ROBO2: variants seen among roughly 807,000 people sequenced by gnomAD.
ROBO2 encodes roundabout guidance receptor 2, also known as roundabout homolog 2.
ROBO2 carries 53 observed loss-of-function variants against 160.8 expected under a neutral mutation model. That is an observed-to-expected ratio of 0.33 (90% CI 0.26 to 0.41). The LOEUF (loss-of-function observed/expected upper bound fraction) is 0.41, where lower values mean the gene tolerates loss of function less well. Ranked by LOEUF, ROBO2 falls within the 10% of genes least tolerant of loss-of-function variation. ROBO2 has a pLI of 1.00. For missense variants in ROBO2, 1,577 were observed against 1,722.4 expected (o/e 0.92, Z 1.49); for synonymous variants, 664 against 611.7 (o/e 1.09, Z -1.26).
At chr3:76,892,026 T>TCTTTGACACCAATTTCGACCTGTCA (rs1471003466) in intron 2 of ROBO2, among the ~76,000 whole-genome samples, 24 of 150,432 alleles carry the variant, frequency 1.6e-4, no homozygotes, top group African/African-American at 6.0e-4. Flanking sequence ...GGAGTTAAAC[T>TCTTTGACACCAATTTCGACCTGTCA]TCTCGTGGGA....
chr3:75,949,714 A>G (rs1473119714), intron 2 of ROBO2, among the ~76,000 whole-genome samples: 2 of 152,070 alleles, frequency 1.3e-5, no homozygotes, highest in East Asian at 3.9e-4. Flanking sequence ...CTGTATGAGC[A>G]CTCACTCACT....
At chr3:77,284,257 A>G (rs1477811557) in intron 2 of ROBO2, among the ~76,000 whole-genome samples, 4 of 152,152 alleles carry the variant, frequency 2.6e-5, no homozygotes, top group African/African-American at 4.8e-5. Flanking sequence ...TTGCCTCTTC[A>G]CAGGAGAAAT....
intron 2 of ROBO2, among the ~76,000 whole-genome samples, chr3:76,168,767 GATAA>G (rs1397368551): frequency 6.6e-6 from 1 of 151,050 alleles, no homozygotes; most frequent in Non-Finnish European, 1.5e-5. Context: ...ATATAATTAT[GATAA>G]ATAAAATATA....
chr3:76,913,749 G>A (rs1033492971), intron 2 of ROBO2, among the ~76,000 whole-genome samples: 11 of 152,284 alleles, frequency 7.2e-5, no homozygotes, highest in Middle Eastern at 3.4e-3. Context: ...TACTCCTTTA[G>A]ATGAGTAACT....
At chr3:77,358,265 T>A (rs930892931) in intron 2 of ROBO2, among the ~76,000 whole-genome samples, 4 of 152,182 alleles carry the variant, frequency 2.6e-5, no homozygotes, top group African/African-American at 9.6e-5. Flanking sequence ...TGTCAATCCT[T>A]GTCCCTCAAC....
At chr3:77,000,559 T>C (rs1254473506) in intron 2 of ROBO2, among the ~76,000 whole-genome samples, 1 of 147,946 alleles carries the variant, frequency 6.8e-6, no homozygotes, top group African/African-American at 2.5e-5. Flanking sequence ...AACTTATTTA[T>C]AGGTAGCTGG....
chr3:77,612,964 A>T (rs184011079), intron 21 of ROBO2, among the ~76,000 whole-genome samples: 189 of 152,292 alleles, frequency 1.2e-3, no homozygotes, highest in Non-Finnish European at 1.9e-3. Flanking sequence ...AAAAAAAAGA[A>T]AAAAAATAGA....
At chr3:77,059,098 T>C (rs1259554589) in intron 1 of ROBO2, among the ~76,000 whole-genome samples, 1 of 152,166 alleles carries the variant, frequency 6.6e-6, no homozygotes, top group African/African-American at 2.4e-5. Flanking sequence ...ATAAGCAGAT[T>C]ATAAAATCTA....
intron 2 of ROBO2, among the ~76,000 whole-genome samples, chr3:76,527,988 G>C (rs547672367): frequency 8.5e-5 from 13 of 152,212 alleles, no homozygotes; most frequent in African/African-American, 3.1e-4. Flanking sequence ...CAGGAAAGAG[G>C]GTAGAGGTGA....
At chr3:77,625,458 A>G (rs2094993358) in intron 23 of ROBO2, among the ~76,000 whole-genome samples, 1 of 151,876 alleles carries the variant, frequency 6.6e-6, no homozygotes, top group Non-Finnish European at 1.5e-5. Flanking sequence ...GCTCACTGCA[A>G]CCTATCCCTC....
chr3:76,218,873 G>A (rs1165379200), intron 2 of ROBO2, among the ~76,000 whole-genome samples: 1 of 152,132 alleles, frequency 6.6e-6, no homozygotes, highest in Non-Finnish European at 1.5e-5. Flanking sequence ...TAAGCCAAAA[G>A]AACAAAGCTG....
chr3:77,367,255 T>C (rs1477048321), intron 2 of ROBO2, among the ~76,000 whole-genome samples: 4 of 152,226 alleles, frequency 2.6e-5, no homozygotes, highest in Admixed American at 6.5e-5. Context: ...ATAACTCTTA[T>C]TGAAATTATG....
intron 2 of ROBO2, among the ~76,000 whole-genome samples, chr3:76,673,563 G>T (rs2092326114): frequency 1.3e-5 from 2 of 152,144 alleles, no homozygotes; most frequent in African/African-American, 2.4e-5. Context: ...GTCATTCATA[G>T]TAAATAGAAA....
At chr3:77,013,134 C>A (rs931061523) in intron 2 of ROBO2, among the ~76,000 whole-genome samples, 1 of 151,904 alleles carries the variant, frequency 6.6e-6, no homozygotes, top group Admixed American at 6.6e-5. Context: ...TAAGCATTAG[C>A]CAATATTAAT....
Position 77,634,956 on chromosome 3 carries a change from C to T in ROBO2, c.3847C>T (p.Gln1283Ter). Residue 1283 changes from glutamine (Q) to a stop codon, truncating the protein, a stop_gained, in exon 24 of 26, where the codon CAG becomes TAG. Transcript: ENST00000461745. LOFTEE classifies it high-confidence loss of function. ...CACCAGTGCAGCCCTGAGTCAAAGT[C>T]AGAGGCCTCGGCCCACTAAAAAACA... is the stretch of plus-strand genomic sequence containing the variant. 1 of 1,614,190 alleles carries T rather than the reference C, an allele frequency of 6.2e-7. No individual in the cohort carries two copies. Among genetic ancestry groups the T allele is most frequent in the Non-Finnish European group, 8.5e-7 (1 of 1,180,030 alleles).
intron 4 of ROBO2, among the ~76,000 whole-genome samples, chr3:77,481,979 T>C (rs1037228123): frequency 2.0e-5 from 3 of 152,048 alleles, no homozygotes; most frequent in Admixed American, 6.6e-5. Flanking sequence ...AAAATAGATA[T>C]GCTAAAGATA....
intron 19 of ROBO2, among the ~76,000 whole-genome samples, chr3:77,600,042 A>G (rs987328403): frequency 2.0e-5 from 3 of 152,204 alleles, no homozygotes; most frequent in Non-Finnish European, 4.4e-5. Flanking sequence ...GCATTTCCAT[A>G]ACTCATAGGT....
intron 2 of ROBO2, among the ~76,000 whole-genome samples, chr3:75,970,015 C>G (rs946615844): frequency 4.0e-5 from 6 of 151,434 alleles, no homozygotes; most frequent in Admixed American, 6.6e-5. Flanking sequence ...TTTATAGTTT[C>G]AGGTCTTACA....
chr3:76,390,995 A>G (rs1027312363), intron 2 of ROBO2, among the ~76,000 whole-genome samples: 5 of 152,162 alleles, frequency 3.3e-5, no homozygotes, highest in African/African-American at 1.2e-4. Context: ...AAAACATAGA[A>G]ATAATAAAAT....
Sources: gnomAD v4.1 joint callset for allele counts (sites outside exome capture counted in the v4.1 genomes callset) on GRCh38, gnomAD v4.1.1 for gene constraint, MANE v1.5 for transcripts, NCBI Gene and HGNC (gene_info 2026-07-23, HGNC 2026-07-21) for gene names.